Variants in FAM219B observed in about 807,000 individuals in gnomAD.
FAM219B encodes the protein protein FAM219B.
In FAM219B, 18 loss-of-function variants were observed where a neutral mutation model predicts 19.9. The ratio of observed to expected loss-of-function variants is 0.91; its 90% CI spans 0.63 to 1.34. The LOEUF (loss-of-function observed/expected upper bound fraction) is 1.34, where lower values mean the gene tolerates loss of function less well. FAM219B is among the 40% of genes most tolerant of loss of function. The pLI, the probability that FAM219B is intolerant of heterozygous loss-of-function variation, is 0.00. For missense variants in FAM219B, 283 were observed against 270.5 expected (o/e 1.05, Z -0.32); for synonymous variants, 123 against 117.5 (o/e 1.05, Z -0.30).
At chr15:74,906,178 A>C (rs916346234) in intron 2 of FAM219B, 100 bp downstream of exon 2, 1 of 1,232,864 alleles carries the variant, frequency 8.1e-7, no homozygotes, top group Admixed American at 2.3e-5. Flanking sequence ...CATCAGGGGA[A>C]TCGCTAGCTC....
At chr15:74,904,142 G>C (rs1264097736) in intron 4 of FAM219B, among the ~76,000 whole-genome samples, 2 of 152,194 alleles carry the variant, frequency 1.3e-5, no homozygotes, top group African/African-American at 4.8e-5. Context: ...AAAAAATTCT[G>C]TGTGTGTTGA....
At chr15:74,906,224 G>T (rs1261451673) in intron 2 of FAM219B, 54 bp downstream of exon 2, 28 of 1,582,794 alleles carry the variant, frequency 1.8e-5, no homozygotes, top group Non-Finnish European at 2.2e-5. Context: ...CCGTCCTGGG[G>T]ATTAAAGCCT....
intron 3 of FAM219B, 124 bp from the exon 4 acceptor site, chr15:74,904,836 C>T: frequency 6.8e-7 from 1 of 1,462,286 alleles, no homozygotes; most frequent in African/African-American, 1.4e-5. Flanking sequence ...CACAACAGAA[C>T]TCAAGTCCGA....
At position 74,904,673 on chromosome 15, in the gene FAM219B, T is replaced by C; in HGVS notation, c.420A>G (p.Ser140=). ...ELGSRYSSGY[S]SAEQVNQDVS... ...GGTGTTCTGGACTTGCCTCTGCAGA[T>C]GAATACCCGGAGGAGTATCTGGATC... Residue 140 remains serine, a synonymous_variant, in exon 4 of 5, where the codon TCA becomes TCG. Transcript: ENST00000357635. 1 of 1,614,156 alleles carries C rather than the reference T, an allele frequency of 6.2e-7. No homozygotes were observed. Among genetic ancestry groups the C allele is most frequent in the Non-Finnish European group, 8.5e-7 (1 of 1,180,018 alleles).
Position 74,906,838 on chromosome 15 carries a change from C to T in FAM219B, c.-38G>A, listed in dbSNP as rs994977735. The T allele has an allele frequency of 2.3e-5, 29 of 1,239,370 alleles. No individual in the cohort carries two copies. Among genetic ancestry groups the T allele is most frequent in the Middle Eastern group, 3.1e-4 (1 of 3,258 alleles). The allele number at this position is 1,239,370 out of a possible 1,614,324, so 76.8% of individuals were successfully genotyped here. ...CCCTGCCGGATGGTGCAACCCCGCC[C>T]GTGGCGAAAGAGTGACCGGCCGAGG... On this transcript the variant is annotated 5_prime_UTR_variant, in exon 1 of 5. Coordinates refer to ENST00000357635, the MANE Select transcript of FAM219B (RefSeq NM_020447.5).
At chr15:74,898,437 G>C (rs2064855744), downstream of FAM219B, 1 of 165,982 alleles carries the variant, frequency 6.0e-6, no homozygotes, top group African/African-American at 2.4e-5. Context: ...TTGCAAGCAG[G>C]CCTTGGGTCT....
At position 74,905,188 on chromosome 15, in the gene FAM219B, G is replaced by C. The variant is rs2065135657; in HGVS notation, c.346C>G (p.Pro116Ala). 4 of 1,614,068 alleles carry C rather than the reference G, an allele frequency of 2.5e-6. No individual in the cohort carries two copies. The highest frequency in any genetic ancestry group is 3.4e-6 in the Non-Finnish European group (4 of 1,179,990). Reference sequence around the variant, plus strand: ...TCGAGGGACACCAGGTTTTCATCTGGACTCTGGCTAAGAGCAGTATAGCCC... The same window carrying C: ...TCGAGGGACACCAGGTTTTCATCTGCACTCTGGCTAAGAGCAGTATAGCCC... Reference protein sequence around the residue: ...NKGYTALSQSPDENLVSLDSD... With the variant: ...NKGYTALSQSADENLVSLDSD... Residue 116 changes from proline (P) to alanine (A), a missense_variant, in exon 3 of 5, where the codon CCA becomes GCA. Transcript: ENST00000357635.
chr15:74,898,356 A>ACC, downstream of FAM219B: 1 of 177,368 alleles, frequency 5.6e-6, no homozygotes, highest in Admixed American at 5.4e-5. Context: ...GGGAGTGAGC[A>ACC]GGCTACACTC....
downstream of FAM219B, chr15:74,899,334 G>A (rs1046595604): frequency 6.6e-6 from 1 of 152,184 alleles, no homozygotes; most frequent in Admixed American, 6.5e-5. Flanking sequence ...CCACACTAGA[G>A]TCCCTATACA....
rs775396439 is a variant in FAM219B at position 74,905,191 on chromosome 15, T to G, written c.343A>C (p.Ser115Arg). 8.7e-6 allele frequency: 14 copies of G among 1,614,100 alleles called. 1 individual carries two copies. In the South Asian group the frequency reaches 1.5e-4, roughly 18 times the overall value. ...AGGGACACCAGGTTTTCATCTGGAC[T>G]CTGGCTAAGAGCAGTATAGCCCTTG... Reference protein sequence around the residue: ...FNKGYTALSQSPDENLVSLDS... With the variant: ...FNKGYTALSQRPDENLVSLDS... The change falls in exon 3 of 5, where the codon AGT becomes CGT. Residue 115 changes from serine (S) to arginine (R), a missense_variant. By Grantham distance (110) the Ser-to-Arg change is moderately radical (BLOSUM62 -1). Transcript: ENST00000357635.
At chr15:74,897,978 G>A (rs769538927), downstream of FAM219B, 30 of 557,382 alleles carry the variant, frequency 5.4e-5, no homozygotes, top group Non-Finnish European at 8.5e-5. Flanking sequence ...TCTACTCCTC[G>A]CTACACCTGA....
intron 1 of FAM219B, 74 bp from the exon 2 acceptor site, chr15:74,906,439 C>G (rs574323085): frequency 5.3e-5 from 83 of 1,552,722 alleles, no homozygotes; most frequent in South Asian, 3.2e-4. Context: ...GGAGGCCGCT[C>G]TTTCCGAACG....
chr15:74,904,413 A>G (rs116854145), intron 4 of FAM219B, among the ~76,000 whole-genome samples: 3,230 of 152,226 alleles, frequency 0.021, 58 homozygotes, highest in East Asian at 0.067. Flanking sequence ...ACAGGCATGT[A>G]CCACCATGCC....
rs931047916 is a variant in FAM219B, at chr15:74,906,173, G to A, written c.302+105C>T. The A allele has an allele frequency of 7.8e-6, 9 of 1,159,888 alleles. No homozygotes were observed. In the African/African-American group the frequency reaches 9.3e-5, roughly 12 times the overall value. The allele number at this position is 1,159,888 out of a possible 1,614,324, so 71.8% of individuals were successfully genotyped here. ...ATAGTGAACCTGACAGGTTGCATCA[G>A]GGGAATCGCTAGCTCGGCCTTAAAC... On this transcript the variant is annotated intron_variant, in intron 2 of 4. Coordinates refer to ENST00000357635, the MANE Select transcript of FAM219B (RefSeq NM_020447.5).
In FAM219B at chr15:74,904,705, C is replaced by A; in HGVS notation, c.388G>T (p.Glu130Ter). ...CCGGAGGAGTATCTGGATCCCAGCTCCCCATCACTAGGAGAAGAGGAAAAC... is the reference window on the plus strand; with the variant it reads ...CCGGAGGAGTATCTGGATCCCAGCTACCCATCACTAGGAGAAGAGGAAAAC... ...LVSLDSDSDG[E>*]LGSRYSSGYS... The change falls in exon 4 of 5, where the codon GAG becomes TAG. Residue 130 changes from glutamate to a stop codon, truncating the protein, a stop_gained. Transcript: ENST00000357635. LOFTEE classifies it high-confidence loss of function. 1 of 1,614,200 alleles carries A rather than the reference C, an allele frequency of 6.2e-7. No individual in the cohort carries two copies. Among genetic ancestry groups the A allele is most frequent in the Non-Finnish European group, 8.5e-7 (1 of 1,180,034 alleles).
At chr15:74,898,177 C>T (rs556916651), downstream of FAM219B, 31 of 324,398 alleles carry the variant, frequency 9.6e-5, no homozygotes, top group African/African-American at 3.4e-4. Flanking sequence ...TGTAGACTAA[C>T]GCTGTTTACA....
intron 4 of FAM219B, among the ~76,000 whole-genome samples, 182 bp downstream of exon 4, chr15:74,904,482 C>A (rs1372394028): frequency 1.3e-5 from 2 of 152,196 alleles, no homozygotes; most frequent in African/African-American, 4.8e-5. Flanking sequence ...CTCCTCGATT[C>A]TCAACAGCCC....
In FAM219B at chr15:74,905,158, C is replaced by CA; in HGVS notation, c.375dup (p.Asp126Ter). 1 of 1,614,092 alleles carries CA rather than the reference C, an allele frequency of 6.2e-7. No homozygotes were observed. On this transcript the variant is annotated frameshift_variant, in exon 3 of 5. Transcript: ENST00000357635. LOFTEE classifies it high-confidence loss of function. ...ATTTCCAAGGGGAGCACTCACCTGT[C>CA]AGAGTCGAGGGACACCAGGTTTTCA...
chr15:74,898,237 G>C (rs2064853177), downstream of FAM219B: 1 of 241,750 alleles, frequency 4.1e-6, no homozygotes, highest in Non-Finnish European at 8.3e-6. Context: ...AGGCTGTGGG[G>C]TAATGAGCAC....
Sources: gnomAD v4.1 joint callset for allele counts (sites outside exome capture counted in the v4.1 genomes callset) on GRCh38, gnomAD v4.1.1 for gene constraint, MANE v1.5 for transcripts, NCBI Gene and HGNC (gene_info 2026-07-23, HGNC 2026-07-21) for gene names.